Variants in TRMT11 observed in about 807,000 individuals in gnomAD.
TRMT11 encodes tRNA methyltransferase 11.
A neutral mutation model predicts 62.8 loss-of-function variants in TRMT11; 53 were observed. That is an observed-to-expected ratio of 0.84 (90% CI 0.68 to 1.06). The LOEUF (loss-of-function observed/expected upper bound fraction) is 1.06. TRMT11 is among the 50% of genes least tolerant of loss of function. The pLI is 0.00. For missense variants in TRMT11, 556 were observed against 553.4 expected (o/e 1.00, Z -0.05); for synonymous variants, 188 against 190.3 (o/e 0.99, Z 0.10).
rs1343200847 is a variant in TRMT11 at position 126,197,039 on chromosome 6, G to T, written n.144-1760G>T. ...TTCACTGTGTAAACTATTTTGAATT[G>T]AGTTTTTGATGCCTAAAGCATTCAT... On this transcript the variant is annotated intron_variant and non_coding_transcript_variant, in intron 1 of 3. Coordinates refer to the TRMT11 transcript ENST00000444229. 2.6e-5 allele frequency among the ~76,000 whole-genome samples: 4 copies of T among 152,226 alleles called. No individual in the cohort carries two copies. In the East Asian group the frequency reaches 7.7e-4, roughly 29 times the overall value.
chr6:126,180,768 C>T (rs1417231148), intron 1 of TRMT11, among the ~76,000 whole-genome samples: 1 of 152,136 alleles, frequency 6.6e-6, no homozygotes, highest in Non-Finnish European at 1.5e-5. Context: ...TTGTGGTTTA[C>T]GAGTCATGGG....
chr6:125,994,989 G>C lies in TRMT11; in HGVS notation c.139-978G>C, dbSNP rs188026601. 6.0e-4 allele frequency among the ~76,000 whole-genome samples: 92 copies of C among 152,290 alleles called. 1 individual carries two copies. Among genetic ancestry groups the C allele is most frequent in the African/African-American group, 2.1e-3 (87 of 41,562 alleles). ...ACTGGAGCCTGTTGGGGGTGGTGGAGTCTGGTGAAGGAGAGCATCAGGAAG... is the reference window on the plus strand; with the variant it reads ...ACTGGAGCCTGTTGGGGGTGGTGGACTCTGGTGAAGGAGAGCATCAGGAAG... On this transcript the variant is annotated intron_variant, in intron 2 of 12. Coordinates refer to ENST00000334379, the MANE Select transcript of TRMT11 (RefSeq NM_001031712.3).
intron 17 of TRMT11, among the ~76,000 whole-genome samples, chr6:126,109,188 A>C (rs1307370116): frequency 2.0e-5 from 3 of 152,178 alleles, no homozygotes; most frequent in African/African-American, 7.2e-5. Context: ...ACTAATACTG[A>C]TTCAATGCTA....
At position 126,127,055 on chromosome 6, in the gene TRMT11, C is replaced by T. The variant is rs889099916; in HGVS notation, c.*1823+11200C>T. 2.6e-5 allele frequency among the ~76,000 whole-genome samples: 4 copies of T among 152,048 alleles called. No homozygotes were observed. The East Asian group carries it at 7.7e-4, about 29-fold the overall frequency. On this transcript the variant is annotated intron_variant and NMD_transcript_variant, in intron 21 of 22. Transcript: ENST00000648977. ...AAATATAATTCAAGGGTGTTGTAGTCGAGAACAATATTAGAAGAAGGAGGT... is the reference window on the plus strand; with the variant it reads ...AAATATAATTCAAGGGTGTTGTAGTTGAGAACAATATTAGAAGAAGGAGGT...
intron 16 of TRMT11, among the ~76,000 whole-genome samples, chr6:126,047,091 G>A (rs1236809439): frequency 6.6e-6 from 1 of 151,796 alleles, no homozygotes; most frequent in Non-Finnish European, 1.5e-5. Context: ...CCAGATACAC[G>A]GCTTCTGAAA....
intron 21 of TRMT11, among the ~76,000 whole-genome samples, chr6:126,171,704 A>C (rs1005288765): frequency 5.9e-5 from 9 of 151,974 alleles, no homozygotes; most frequent in African/African-American, 2.2e-4. Flanking sequence ...ATCTTGAGAA[A>C]CTGTGTCTTT....
intron 7 of TRMT11, chr6:126,006,878 T>C (rs954868426): frequency 6.6e-6 from 1 of 152,010 alleles, no homozygotes; most frequent in Non-Finnish European, 1.5e-5. Context: ...CAAAACTCAC[T>C]CTAACCAAAT....
intron 21 of TRMT11, among the ~76,000 whole-genome samples, chr6:126,136,001 C>T (rs1366452006): frequency 6.6e-6 from 1 of 151,706 alleles, no homozygotes; most frequent in Admixed American, 6.6e-5. Flanking sequence ...ACAATCAAGG[C>T]CATATATTAC....
chr6:126,087,191 C>G (rs976803786), intron 17 of TRMT11, among the ~76,000 whole-genome samples: 1 of 152,192 alleles, frequency 6.6e-6, no homozygotes, highest in East Asian at 1.9e-4. Flanking sequence ...ACCGAATACA[C>G]TGTTCTTCAA....
chr6:126,015,089 A>T (rs1033470253), intron 11 of TRMT11, among the ~76,000 whole-genome samples: 5 of 152,198 alleles, frequency 3.3e-5, no homozygotes, highest in African/African-American at 1.2e-4. Context: ...AAAATAAAAA[A>T]AAAAAAATAC....
At chr6:126,082,096 G>A (rs1373341203) in intron 17 of TRMT11, among the ~76,000 whole-genome samples, 1 of 152,084 alleles carries the variant, frequency 6.6e-6, no homozygotes, top group African/African-American at 2.4e-5. Flanking sequence ...AAGGTTGAGT[G>A]TGGACAGTGC....
intron 21 of TRMT11, among the ~76,000 whole-genome samples, chr6:126,146,409 C>T (rs1355097746): frequency 6.6e-6 from 1 of 152,170 alleles, no homozygotes; most frequent in African/African-American, 2.4e-5. Context: ...CAAATTCCAA[C>T]TCTCTTCCTC....
At chr6:126,099,188 C>T (rs139060363) in intron 17 of TRMT11, among the ~76,000 whole-genome samples, 2 of 152,250 alleles carry the variant, frequency 1.3e-5, no homozygotes, top group Non-Finnish European at 2.9e-5. Context: ...CTTCTTCAAA[C>T]GTGCTGTATT....
chr6:126,078,863 CAT>C (rs1381748656), intron 17 of TRMT11, among the ~76,000 whole-genome samples: 2 of 152,192 alleles, frequency 1.3e-5, no homozygotes, highest in Non-Finnish European at 2.9e-5. Flanking sequence ...GTTTTTCTCT[CAT>C]AGGATAATAG....
At chr6:126,074,399 A>G (rs1330704222) in intron 17 of TRMT11, among the ~76,000 whole-genome samples, 2 of 152,208 alleles carry the variant, frequency 1.3e-5, no homozygotes, top group Non-Finnish European at 2.9e-5. Context: ...TTTGTTGAAT[A>G]AATAAGTTAT....
the TRMT11 span, among the ~76,000 whole-genome samples, chr6:126,259,871 T>C: frequency 6.6e-6 from 1 of 152,212 alleles, no homozygotes; most frequent in Non-Finnish European, 1.5e-5. Flanking sequence ...TTTTATCATA[T>C]ATAAATATGA....
the TRMT11 span, among the ~76,000 whole-genome samples, chr6:126,261,657 T>C: frequency 6.6e-6 from 1 of 152,210 alleles, no homozygotes; most frequent in African/African-American, 2.4e-5. Flanking sequence ...TGGTTTTGGG[T>C]GAGTCAGTAA....
chr6:126,008,120 A>G (rs1177308554), intron 7 of TRMT11, among the ~76,000 whole-genome samples: 1 of 152,016 alleles, frequency 6.6e-6, no homozygotes, highest in Non-Finnish European at 1.5e-5. Flanking sequence ...ATGTCTAAAT[A>G]TACATTATTT....
At chr6:126,174,923 C>T (rs967021935), upstream of TRMT11, among the ~76,000 whole-genome samples, 2 of 152,176 alleles carry the variant, frequency 1.3e-5, no homozygotes, top group Admixed American at 6.6e-5. Flanking sequence ...TGAGTCCCAA[C>T]CACATCCATT....
Sources: allele counts gnomAD v4.1 joint callset (sites outside exome capture counted in the v4.1 genomes callset), GRCh38; gene constraint gnomAD v4.1.1; transcripts MANE v1.5; gene names NCBI Gene and HGNC (gene_info 2026-07-23, HGNC 2026-07-21).